Variants in MYCBP2 observed in about 807,000 individuals in gnomAD.
The protein encoded by MYCBP2 is MYC binding protein 2.
MYCBP2 carries 120 observed loss-of-function variants against 525.3 expected under a neutral mutation model. That is an observed-to-expected ratio of 0.23 (90% CI 0.20 to 0.27). MYCBP2 has a LOEUF of 0.27. MYCBP2 is among the 10% of genes least tolerant of loss of function. The pLI, the probability that MYCBP2 is intolerant of heterozygous loss-of-function variation, is 1.00. For synonymous variants in MYCBP2, 1,894 were observed against 1,955.8 expected (o/e 0.97, Z 0.83); for missense variants, 4,149 against 5,657.1 (o/e 0.73, Z 8.55).
intron 71 of MYCBP2, 70 bp downstream of exon 71, chr13:77,067,511 T>C: frequency 1.3e-6 from 2 of 1,493,764 alleles, no homozygotes; most frequent in Non-Finnish European, 1.8e-6. Context: ...AATCTGAAAT[T>C]ATGTCTTAAA....
rs1221391960 is a variant in MYCBP2, at chr13:77,058,181, G to A, written c.13329+37C>T. The A allele has an allele frequency of 1.9e-6, 3 of 1,599,412 alleles. No individual in the cohort carries two copies. In the African/African-American group the frequency reaches 4.0e-5, roughly 21 times the overall value. On this transcript the variant is annotated intron_variant, in intron 78 of 82. Transcript: ENST00000544440. This position sits in a 1 kb window ranked among gnomAD's most constrained non-coding sequence, Gnocchi z 4.1. ...TGACAAATATATTCCCCATCTTAAT[G>A]TCTGGATACATTCAATACTTTAAAA...
intron 55 of MYCBP2, among the ~76,000 whole-genome samples, chr13:77,115,301 C>T (rs925607027): frequency 6.6e-6 from 1 of 151,862 alleles, no homozygotes; most frequent in African/African-American, 2.4e-5. Flanking sequence ...TCATTCTCCA[C>T]TTTGGTTCAC....
intron 2 of MYCBP2, among the ~76,000 whole-genome samples, chr13:77,294,111 T>TATATATATATATATATAC (rs1555465560): frequency 7.3e-5 from 4 of 54,468 alleles, no homozygotes; most frequent in Non-Finnish European, 1.4e-4. Flanking sequence ...TGGCTATATA[T>TATATATATATATATATAC]ATATATATAT....
At chr13:77,323,745 T>C (rs950113307) in intron 1 of MYCBP2, among the ~76,000 whole-genome samples, 5 of 152,304 alleles carry the variant, frequency 3.3e-5, no homozygotes, top group African/African-American at 1.2e-4. Flanking sequence ...ACAGAATTCA[T>C]GCCAAAAAAT....
intron 15 of MYCBP2, among the ~76,000 whole-genome samples, chr13:77,245,430 A>C (rs1343288994): frequency 6.6e-6 from 1 of 152,220 alleles, no homozygotes; most frequent in Non-Finnish European, 1.5e-5. Context: ...CAGCCATAAA[A>C]AAGAATGAGT....
chr13:77,303,407 C>T (rs1026455970), intron 1 of MYCBP2, among the ~76,000 whole-genome samples: 1 of 152,174 alleles, frequency 6.6e-6, no homozygotes, highest in African/African-American at 2.4e-5. Context: ...TATCCAACAA[C>T]AATAGAATAC....
At chr13:77,239,804 G>C (rs528941288) in intron 17 of MYCBP2, among the ~76,000 whole-genome samples, 2 of 152,150 alleles carry the variant, frequency 1.3e-5, no homozygotes, top group African/African-American at 2.4e-5. Flanking sequence ...CTGAAAGAGA[G>C]TCCTCCATCC....
rs753847940 is a variant in MYCBP2 at position 77,169,716 on chromosome 13, T to TA, written c.5795-3dup. On this transcript the variant is annotated splice_region_variant and splice_polypyrimidine_tract_variant and intron_variant, in intron 38 of 82. Transcript: ENST00000544440. ...TCAGCAGTTCTGGAATGTCATCAGCTAAAAAAAGGCATAAAAGGCATTAAA... is the reference window on the plus strand; with the variant it reads ...TCAGCAGTTCTGGAATGTCATCAGCTAAAAAAAAGGCATAAAAGGCATTAAA... 1,345 of 1,611,948 alleles carry TA rather than the reference T, an allele frequency of 8.3e-4. 3 individuals are homozygous for TA. The highest frequency in any genetic ancestry group is 1.0e-3 in the Non-Finnish European group (1,213 of 1,178,618).
Position 77,288,251 on chromosome 13 carries a change from C to T in MYCBP2, c.504G>A (p.Leu168=), listed in dbSNP as rs776191837. 1 of 1,614,098 alleles carries T rather than the reference C, an allele frequency of 6.2e-7. No homozygotes were observed. The highest frequency in any genetic ancestry group is 8.5e-7 in the Non-Finnish European group (1 of 1,180,022). ...GCACAGAGTTCTTAGATGCGGCTGC[C>T]AATGATATTTCCTTTTTCTGCCATT... ...VLEWQKKEIS[L]AAASKNSVQS... is the part of the protein sequence containing the mutation. Residue 168 remains leucine, a synonymous_variant, in exon 3 of 83, where the codon TTG becomes TTA. Coordinates refer to ENST00000544440, the MANE Select transcript of MYCBP2 (RefSeq NM_015057.5).
chr13:77,144,890 G>T (rs1223836863), intron 48 of MYCBP2, among the ~76,000 whole-genome samples: 1 of 152,166 alleles, frequency 6.6e-6, no homozygotes, highest in Non-Finnish European at 1.5e-5. Flanking sequence ...TGGAGGAAGT[G>T]TCCTGGATCT....
chr13:77,259,832 A>G (rs999796240), intron 13 of MYCBP2, among the ~76,000 whole-genome samples: 1 of 152,230 alleles, frequency 6.6e-6, no homozygotes, highest in African/African-American at 2.4e-5. Context: ...GCTGCTAGAA[A>G]GAAAATCTAG....
chr13:77,177,606 G>A (rs528915580), intron 35 of MYCBP2, 142 bp downstream of exon 35: 38 of 706,240 alleles, frequency 5.4e-5, no homozygotes, highest in African/African-American at 5.1e-4. Flanking sequence ...ACAGGTGTGA[G>A]CCACTGTGGC....
intron 20 of MYCBP2, among the ~76,000 whole-genome samples, chr13:77,223,508 A>G (rs919958870): frequency 1.3e-5 from 2 of 152,216 alleles, no homozygotes; most frequent in Non-Finnish European, 2.9e-5. Context: ...TTCTGACTGC[A>G]TTACGTAGAA....
At chr13:77,174,585 CTT>C in intron 36 of MYCBP2, 96 bp from the exon 37 acceptor site, 1 of 876,564 alleles carries the variant, frequency 1.1e-6, no homozygotes, top group Non-Finnish European at 1.7e-6. Flanking sequence ...TACTGAAATT[CTT>C]TGTCATATTT....
chr13:77,175,009 G>A (rs747194205), intron 36 of MYCBP2, among the ~76,000 whole-genome samples: 1 of 136,606 alleles, frequency 7.3e-6, no homozygotes, highest in Non-Finnish European at 1.5e-5. Flanking sequence ...AGCCTGGAGT[G>A]CAGTGGTGCA....
At chr13:77,188,350 A>G (rs551479802) in intron 30 of MYCBP2, among the ~76,000 whole-genome samples, 2 of 152,236 alleles carry the variant, frequency 1.3e-5, no homozygotes, top group Admixed American at 1.3e-4. Context: ...AACATCTTAC[A>G]CCCCTTATCT....
intron 66 of MYCBP2, chr13:77,077,657 T>A: frequency 2.9e-6 from 1 of 341,846 alleles, no homozygotes; most frequent in Non-Finnish European, 5.3e-6. Flanking sequence ...AATCCAGGCC[T>A]GACTACGATA....
Position 77,081,394 on chromosome 13 carries a change from C to A in MYCBP2, c.11418+33G>T, listed in dbSNP as rs1249741308. 1 of 1,576,944 alleles carries A rather than the reference C, an allele frequency of 6.3e-7. No homozygotes were observed. The highest frequency in any genetic ancestry group is 2.3e-4 in the Middle Eastern group (1 of 4,342). On this transcript the variant is annotated intron_variant, in intron 65 of 82. Coordinates refer to ENST00000544440, the MANE Select transcript of MYCBP2 (RefSeq NM_015057.5). The surrounding 1 kb of genome is among the most constrained non-coding windows in gnomAD (Gnocchi z 4.6). ...CATGAATACTAAGATCTGAAAAGAG[C>A]TAAAGAGCCGTAAATCACGTTTGCT...
intron 46 of MYCBP2, among the ~76,000 whole-genome samples, chr13:77,153,054 G>T: frequency 8.5e-6 from 1 of 117,154 alleles, no homozygotes. Context: ...GACAGAGCGA[G>T]ACTCTGTCTC....
Sources: gnomAD v4.1 joint callset for allele counts (sites outside exome capture counted in the v4.1 genomes callset) on GRCh38, gnomAD v4.1.1 for gene constraint, Gnocchi (gnomAD v3.1) non-coding constraint, MANE v1.5 for transcripts, NCBI Gene and HGNC (gene_info 2026-07-23, HGNC 2026-07-21) for gene names.